The following ARID4B variants were observed in gnomAD, a reference collection of about 807,000 sequenced individuals.
The protein encoded by ARID4B is AT-rich interaction domain 4B, also known as AT-rich interactive domain-containing protein 4B.
In ARID4B, 26 loss-of-function variants were observed where a neutral mutation model predicts 147.5. The ratio of observed to expected loss-of-function variants is 0.18; its 90% CI spans 0.13 to 0.24. ARID4B has a LOEUF of 0.24. Ranked by LOEUF, ARID4B falls within the 10% of genes least tolerant of loss-of-function variation. ARID4B has a pLI of 1.00. For synonymous variants in ARID4B, 512 were observed against 507.9 expected, an observed-to-expected ratio of 1.01 and a Z score of -0.11; for missense variants, 1,179 against 1,511.5, an observed-to-expected ratio of 0.78 and a Z score of 3.65.
intron 2 of ARID4B, among the ~76,000 whole-genome samples, chr1:235,294,033 T>C (rs533796026): frequency 1.3e-5 from 2 of 152,250 alleles, no homozygotes; most frequent in East Asian, 3.9e-4. Flanking sequence ...TAATCTTAGT[T>C]TCTAAAATTA....
chr1:235,188,508 G>C (rs993164318), intron 19 of ARID4B, among the ~76,000 whole-genome samples: 6 of 152,162 alleles, frequency 3.9e-5, no homozygotes, highest in Non-Finnish European at 2.9e-5. Context: ...CCCTTCTAGA[G>C]CTTTATTCTC....
chr1:235,247,111 GTTTTCTTAAGA>G (rs2103084943), intron 6 of ARID4B, among the ~76,000 whole-genome samples: 1 of 151,194 alleles, frequency 6.6e-6, no homozygotes, highest in South Asian at 2.1e-4. Flanking sequence ...CCTTTCCTAC[GTTTTCTTAAGA>G]TTTTCCACAG....
At chr1:235,235,385 T>C (rs1243510765) in intron 8 of ARID4B, among the ~76,000 whole-genome samples, 2 of 152,256 alleles carry the variant, frequency 1.3e-5, no homozygotes, top group Admixed American at 1.3e-4. Context: ...GCCTAAATAT[T>C]AGGGGTCTAA....
chr1:235,196,000 C>A (rs767678856), intron 18 of ARID4B, 31 bp downstream of exon 18: 5 of 1,344,556 alleles, frequency 3.7e-6, no homozygotes, highest in Non-Finnish European at 3.2e-6. Flanking sequence ...TTTTTAAGAG[C>A]TAATAGTGTG....
chr1:235,326,980 AC>A lies in ARID4B; in HGVS notation c.-49-13del. On this transcript the variant is annotated splice_polypyrimidine_tract_variant and intron_variant, in intron 1 of 23. Coordinates refer to ENST00000264183, the MANE Select transcript of ARID4B (RefSeq NM_016374.6). ...AGGTTCAGCTGCACCTGGAGGGGAA[AC>A]AAAAGACACCCAGTCAACACCACAG... 12 of 1,570,910 alleles carry A rather than the reference AC, an allele frequency of 7.6e-6. No individual in the cohort carries two copies. Among genetic ancestry groups the A allele is most frequent in the Non-Finnish European group, 9.6e-6 (11 of 1,141,144 alleles).
chr1:235,247,723 T>C (rs1420113435), intron 6 of ARID4B, among the ~76,000 whole-genome samples: 2 of 152,162 alleles, frequency 1.3e-5, no homozygotes. Context: ...GTGCAGTGAC[T>C]CACGCCTATA....
chr1:235,186,951 C>T lies in ARID4B; in HGVS notation c.2126-4158G>A, dbSNP rs543145410. The T allele has an allele frequency of 6.5e-4, 165 of 252,450 alleles. 1 individual carries two copies. The highest frequency in any genetic ancestry group is 3.8e-3 in the African/African-American group (162 of 42,794). The allele number at this position is 252,450 out of a possible 1,614,324, so 15.6% of individuals were successfully genotyped here. A position where few individuals can be genotyped will look rare whatever the true frequency, so the allele number is the denominator to read the frequency against. The stretch of plus-strand genomic sequence containing the variant: ...CCTCAAGTGATCTGCCCACCTTGGC[C>T]TCCCAAAGTGCTGGGATTACAGGCA... On this transcript the variant is annotated intron_variant, in intron 19 of 23. Transcript: ENST00000264183.
intron 23 of ARID4B, among the ~76,000 whole-genome samples, chr1:235,170,326 A>G (rs778284899): frequency 6.6e-6 from 1 of 152,236 alleles, no homozygotes; most frequent in Non-Finnish European, 1.5e-5. Context: ...AAAGCCTAAC[A>G]TATTTATTGT....
rs556089721 is a variant in ARID4B at position 235,279,194 on chromosome 1, T to A, written c.7-18442A>T. Among the ~76,000 whole-genome samples, 171 of 152,218 alleles carry A rather than the reference T, an allele frequency of 1.1e-3. 1 individual carries two copies. Among genetic ancestry groups the A allele is most frequent in the African/African-American group, 4.0e-3 (168 of 41,548 alleles). On this transcript the variant is annotated intron_variant, in intron 2 of 23. Transcript: ENST00000264183. ...TGTCTTAACAAGCCCTCCAGGACACTCTGATGCACCCCCCACCCCCGGCAA... is the reference window on the plus strand; with the variant it reads ...TGTCTTAACAAGCCCTCCAGGACACACTGATGCACCCCCCACCCCCGGCAA...
intron 17 of ARID4B, among the ~76,000 whole-genome samples, chr1:235,199,155 C>T (rs907214989): frequency 2.0e-5 from 3 of 151,988 alleles, no homozygotes; most frequent in African/African-American, 7.2e-5. Flanking sequence ...TAAGAAATTC[C>T]CTGAAAACTT....
chr1:235,321,931 G>A (rs1198162260), intron 2 of ARID4B, among the ~76,000 whole-genome samples: 1 of 151,438 alleles, frequency 6.6e-6, no homozygotes, highest in Non-Finnish European at 1.5e-5. Flanking sequence ...CTCTCCCCTT[G>A]TTTTTGCAGT....
chr1:235,316,108 A>G (rs775840916), intron 2 of ARID4B, among the ~76,000 whole-genome samples: 1 of 152,236 alleles, frequency 6.6e-6, no homozygotes, highest in Non-Finnish European at 1.5e-5. Flanking sequence ...ATTATTTTAT[A>G]AAATGTTTCC....
intron 2 of ARID4B, among the ~76,000 whole-genome samples, chr1:235,317,714 CAG>C (rs995025752): frequency 3.9e-5 from 6 of 152,122 alleles, no homozygotes; most frequent in Non-Finnish European, 7.4e-5. Context: ...CCTTGAATAC[CAG>C]AGTTTCCTGT....
chr1:235,264,918 G>A (rs1670506605), intron 2 of ARID4B, among the ~76,000 whole-genome samples: 1 of 151,956 alleles, frequency 6.6e-6, no homozygotes, highest in Admixed American at 6.6e-5. Context: ...AAATTAGCCA[G>A]GCATGGTGGC....
chr1:235,234,964 C>G (rs1668463869), intron 8 of ARID4B, among the ~76,000 whole-genome samples: 1 of 152,178 alleles, frequency 6.6e-6, no homozygotes, highest in African/African-American at 2.4e-5. Context: ...TAAAAATCTA[C>G]TTTGGCTGCT....
intron 19 of ARID4B, among the ~76,000 whole-genome samples, chr1:235,186,282 C>T (rs1664677042): frequency 6.6e-6 from 1 of 151,996 alleles, no homozygotes; most frequent in African/African-American, 2.4e-5. Context: ...CCTCTGTTTT[C>T]ATAGTTCCCC....
Position 235,287,047 on chromosome 1 carries a change from G to A in ARID4B, c.7-26295C>T, listed in dbSNP as rs183785126. ...GGGTGAGGTGGGTGAATCATTTGAG[G>A]TCAGGAGTTAGAGACCAGCCTGGCT... On this transcript the variant is annotated intron_variant, in intron 2 of 23. Transcript: ENST00000264183. 1.3e-3 allele frequency among the ~76,000 whole-genome samples: 194 copies of A among 152,296 alleles called. 1 individual carries two copies. The highest frequency in any genetic ancestry group is 4.6e-3 in the African/African-American group (190 of 41,564).
intron 19 of ARID4B, among the ~76,000 whole-genome samples, chr1:235,192,025 A>G (rs1039615789): frequency 6.6e-6 from 1 of 152,106 alleles, no homozygotes; most frequent in African/African-American, 2.4e-5. Context: ...GAGTCGTGAT[A>G]GCACCACTGC....
At chr1:235,222,237 T>G (rs2103027879) in intron 13 of ARID4B, among the ~76,000 whole-genome samples, 1 of 152,230 alleles carries the variant, frequency 6.6e-6, no homozygotes, top group Non-Finnish European at 1.5e-5. Context: ...ATAAACCCAG[T>G]TATGGAAAAT....
Sources: gnomAD v4.1 joint callset for allele counts (sites outside exome capture counted in the v4.1 genomes callset) on GRCh38, gnomAD v4.1.1 for gene constraint, MANE v1.5 for transcripts, NCBI Gene and HGNC (gene_info 2026-07-23, HGNC 2026-07-21) for gene names.